The following ST6GAL2 variants were observed in gnomAD, a reference collection of about 807,000 sequenced individuals.
ST6GAL2 encodes beta-galactoside alpha-2,6-sialyltransferase 2.
A neutral mutation model predicts 37.5 loss-of-function variants in ST6GAL2; 24 were observed. That is an observed-to-expected ratio of 0.64 (90% CI 0.46 to 0.90). ST6GAL2 has a LOEUF of 0.90. Among genes scored for constraint, ST6GAL2 ranks in the 40% least tolerant of loss-of-function variants. The pLI is 0.00. For missense variants in ST6GAL2, 715 were observed against 712.7 expected (o/e 1.00, Z -0.04); for synonymous variants, 306 against 295.1 (o/e 1.04, Z -0.38).
rs753592483 is a variant in ST6GAL2 at position 106,806,713 on chromosome 2, A to C, written c.1555T>G (p.Cys519Gly). The change falls in exon 6 of 6, where the codon TGC becomes GGC. Residue 519 changes from cysteine to glycine, a missense_variant. Cys to Gly is a radical substitution (Grantham distance 159, BLOSUM62 -3). Around this residue, in one of 3 missense-constraint regions of ST6GAL2, gnomAD observed 198 missense variants for 203.6 expected, o/e 0.97. Coordinates refer to ENST00000409382, the MANE Select transcript of ST6GAL2 (RefSeq NM_001142351.2). ...GGAATGACTGGACTTGGTGCAGGGC[A>C]GTGCACCGCCTGGAAGCCGGGAAGA... ...VVLPGFQAVH[C>G]PAPSPVIPHS is the part of the protein sequence containing the mutation. 11 of 1,614,052 alleles carry C rather than the reference A, an allele frequency of 6.8e-6. No homozygotes were observed.
chr2:106,884,938 T>TATATATATATATATATAC (rs1426798721), intron 1 of ST6GAL2, among the ~76,000 whole-genome samples: 2 of 123,722 alleles, frequency 1.6e-5, no homozygotes, highest in Admixed American at 7.8e-5. Flanking sequence ...TATATATACA[T>TATATATATATATATATAC]ACACACACAC....
At chr2:106,829,716 C>T (rs1440416786) in intron 5 of ST6GAL2, among the ~76,000 whole-genome samples, 1 of 152,002 alleles carries the variant, frequency 6.6e-6, no homozygotes, top group African/African-American at 2.4e-5. Context: ...CCTACCTTCC[C>T]TCCAAAGCCA....
At chr2:106,866,885 A>G (rs1460270909) in intron 1 of ST6GAL2, among the ~76,000 whole-genome samples, 1 of 152,256 alleles carries the variant, frequency 6.6e-6, no homozygotes, top group African/African-American at 2.4e-5. Context: ...GCTATGAAAT[A>G]CAAATTGTGT....
intron 1 of ST6GAL2, among the ~76,000 whole-genome samples, chr2:106,874,048 CATA>C (rs1678390992): frequency 6.6e-6 from 1 of 152,168 alleles, no homozygotes; most frequent in Non-Finnish European, 1.5e-5. Context: ...ATCCATTTGA[CATA>C]GATTTATGAA....
intron 1 of ST6GAL2, among the ~76,000 whole-genome samples, chr2:106,860,233 C>T (rs1423855598): frequency 1.3e-5 from 2 of 152,164 alleles, no homozygotes; most frequent in Non-Finnish European, 2.9e-5. Flanking sequence ...TTGTTTACTG[C>T]CTTTCTTCTC....
chr2:106,878,803 T>C (rs902658171), intron 1 of ST6GAL2, among the ~76,000 whole-genome samples: 3 of 152,114 alleles, frequency 2.0e-5, no homozygotes, highest in Admixed American at 1.3e-4. Flanking sequence ...ACCAATCCCC[T>C]AAGGATACTG....
chr2:106,819,680 C>T (rs1675927749), intron 5 of ST6GAL2, among the ~76,000 whole-genome samples: 1 of 151,886 alleles, frequency 6.6e-6, no homozygotes, highest in Non-Finnish European at 1.5e-5. Flanking sequence ...ACAAAAGGTA[C>T]TCACTATATT....
intron 2 of ST6GAL2, 25 bp downstream of exon 2, chr2:106,843,010 A>C: frequency 1.5e-6 from 2 of 1,363,088 alleles, no homozygotes; most frequent in Non-Finnish European, 1.9e-6. Context: ...AGACAGGGCG[A>C]CCTGGTCCCC....
At chr2:106,878,754 G>A (rs878964071) in intron 1 of ST6GAL2, among the ~76,000 whole-genome samples, 1 of 152,126 alleles carries the variant, frequency 6.6e-6, no homozygotes. Context: ...TCAGGGACTT[G>A]AGCATCCATG....
chr2:106,873,308 AC>A (rs1375715081), intron 1 of ST6GAL2, among the ~76,000 whole-genome samples: 1 of 152,108 alleles, frequency 6.6e-6, no homozygotes, highest in Non-Finnish European at 1.5e-5. Context: ...GTTGGGCTAA[AC>A]CCAAGATCAA....
intron 5 of ST6GAL2, among the ~76,000 whole-genome samples, chr2:106,817,103 T>G (rs2104431110): frequency 6.6e-6 from 1 of 152,322 alleles, no homozygotes; most frequent in South Asian, 2.1e-4. Context: ...GGGGCTAAAG[T>G]GCTCCTGTGT....
intron 1 of ST6GAL2, among the ~76,000 whole-genome samples, chr2:106,848,954 C>T (rs1677250789): frequency 6.6e-6 from 1 of 152,148 alleles, no homozygotes; most frequent in Non-Finnish European, 1.5e-5. Context: ...TAAAATGGAA[C>T]AATCTGTAAC....
At position 106,802,121 on chromosome 2, in the gene ST6GAL2, T is replaced by C. The variant is rs1323627663; in HGVS notation, c.*4557A>G. ...AAATAATTCTGTCAGTCCATTTTAA[T>C]GTAGCCAAGATGTGCAGAGTATGAG... On this transcript the variant is annotated 3_prime_UTR_variant, in exon 6 of 6. Transcript: ENST00000409382. 2 of 152,224 alleles carry C rather than the reference T, an allele frequency of 1.3e-5. No homozygotes were observed. Among genetic ancestry groups the C allele is most frequent in the African/African-American group, 2.4e-5 (1 of 41,468 alleles). 9.4% of individuals were successfully genotyped at this position (152,224 alleles called of 1,614,324 possible). A position where few individuals can be genotyped will look rare whatever the true frequency, so the allele number is the denominator to read the frequency against.
rs1302542088 is a variant in ST6GAL2, at chr2:106,803,938, C to G, written c.*2740G>C. The G allele has an allele frequency of 1.3e-5, 2 of 152,064 alleles. No individual in the cohort carries two copies. The highest frequency in any genetic ancestry group is 4.8e-5 in the African/African-American group (2 of 41,402). 9.4% of individuals were successfully genotyped at this position (152,064 alleles called of 1,614,324 possible). On this transcript the variant is annotated 3_prime_UTR_variant, in exon 6 of 6. Coordinates refer to ENST00000409382, the MANE Select transcript of ST6GAL2 (RefSeq NM_001142351.2). ...CTGGCAAAATGCTGCCACTTAGGAC[C>G]CATTTGGCTAATACTAGAAGTAGTC...
At chr2:106,818,585 T>G (rs774518192) in intron 5 of ST6GAL2, among the ~76,000 whole-genome samples, 1 of 152,098 alleles carries the variant, frequency 6.6e-6, no homozygotes, top group Non-Finnish European at 1.5e-5. Context: ...ACTCAACTCC[T>G]TTCAAAAACC....
chr2:106,871,062 C>T (rs1192307579), intron 1 of ST6GAL2, among the ~76,000 whole-genome samples: 5 of 152,172 alleles, frequency 3.3e-5, no homozygotes, highest in African/African-American at 1.2e-4. Flanking sequence ...CAGCCTACTG[C>T]ACACCTAGGC....
chr2:106,857,880 A>G (rs981276539), intron 1 of ST6GAL2, among the ~76,000 whole-genome samples: 3 of 152,188 alleles, frequency 2.0e-5, no homozygotes, highest in African/African-American at 4.8e-5. Context: ...TAACCTACAC[A>G]CAGGTCAGGT....
intron 5 of ST6GAL2, among the ~76,000 whole-genome samples, chr2:106,826,078 A>C (rs1041024465): frequency 3.9e-5 from 6 of 152,230 alleles, no homozygotes; most frequent in Non-Finnish European, 8.8e-5. Context: ...GAGTCTCTCT[A>C]TTTCAAACAT....
intron 1 of ST6GAL2, among the ~76,000 whole-genome samples, chr2:106,879,299 T>C (rs1018289939): frequency 1.1e-4 from 16 of 152,040 alleles, no homozygotes; most frequent in African/African-American, 3.9e-4. Context: ...AAGTGTAGAG[T>C]GAAGCAAGTA....
Sources: gnomAD v4.1 joint callset for allele counts (sites outside exome capture counted in the v4.1 genomes callset) on GRCh38, gnomAD v4.1.1 for gene constraint, gnomAD v4.1.1 regional missense constraint, MANE v1.5 for transcripts, NCBI Gene and HGNC (gene_info 2026-07-23, HGNC 2026-07-21) for gene names.